Variants in HS3ST4 observed in about 807,000 individuals in gnomAD.
The protein encoded by HS3ST4 is heparan sulfate glucosamine 3-O-sulfotransferase 4.
Under a neutral mutation model 29.2 loss-of-function variants are expected in HS3ST4, and 17 were observed. That is an observed-to-expected ratio of 0.58 (90% CI 0.40 to 0.87). HS3ST4 has a LOEUF of 0.87. HS3ST4 is among the 40% of genes least tolerant of loss of function. The pLI, the probability that HS3ST4 is intolerant of heterozygous loss-of-function variation, is 0.00. For synonymous variants in HS3ST4, 314 were observed against 285.7 expected, an observed-to-expected ratio of 1.10 and a Z score of -1.00; for missense variants, 627 against 634.5, an observed-to-expected ratio of 0.99 and a Z score of 0.13.
intron 1 of HS3ST4, among the ~76,000 whole-genome samples, chr16:26,036,343 TC>T (rs1259683377): frequency 1.3e-5 from 2 of 152,208 alleles, no homozygotes; most frequent in Non-Finnish European, 2.9e-5. Flanking sequence ...TGTTGGTTTC[TC>T]CCTGCTCAAA....
intron 1 of HS3ST4, among the ~76,000 whole-genome samples, chr16:25,699,207 C>G (rs962580864): frequency 6.6e-6 from 1 of 152,144 alleles, no homozygotes; most frequent in Non-Finnish European, 1.5e-5. Context: ...ACCCTGTGTA[C>G]CCTGTGCAGT....
At chr16:25,955,169 C>T (rs893469918) in intron 1 of HS3ST4, among the ~76,000 whole-genome samples, 3 of 152,132 alleles carry the variant, frequency 2.0e-5, no homozygotes, top group African/African-American at 7.2e-5. Context: ...GTTGCTGAAC[C>T]TGTGACCAGA....
At chr16:25,802,963 G>C (rs111550858) in intron 1 of HS3ST4, among the ~76,000 whole-genome samples, 1 of 140,786 alleles carries the variant, frequency 7.1e-6, no homozygotes, top group Non-Finnish European at 1.6e-5. Context: ...GTGTGTGTGT[G>C]TATATATTTC....
intron 1 of HS3ST4, among the ~76,000 whole-genome samples, chr16:25,948,792 C>T (rs911580323): frequency 1.1e-4 from 16 of 152,212 alleles, no homozygotes; most frequent in Admixed American, 9.8e-4. Context: ...GACAAAACCA[C>T]TCTACGGAGC....
At chr16:25,819,092 C>T (rs968848306) in intron 1 of HS3ST4, among the ~76,000 whole-genome samples, 1 of 152,238 alleles carries the variant, frequency 6.6e-6, no homozygotes, top group East Asian at 1.9e-4. Context: ...ATTCCTAGCT[C>T]TTTGCTGATC....
intron 1 of HS3ST4, among the ~76,000 whole-genome samples, chr16:25,976,092 T>G (rs958207798): frequency 3.3e-5 from 5 of 152,218 alleles, no homozygotes; most frequent in African/African-American, 1.2e-4. Flanking sequence ...CCACCAAATA[T>G]TTCTGAGAGT....
intron 1 of HS3ST4, among the ~76,000 whole-genome samples, chr16:26,042,145 C>T (rs73514531): frequency 0.017 from 2,531 of 152,254 alleles, 67 homozygotes; most frequent in African/African-American, 0.056. Context: ...GCCTTATGTT[C>T]CAGCATCCTG....
chr16:25,772,364 A>G (rs1966843679), intron 1 of HS3ST4, among the ~76,000 whole-genome samples: 1 of 152,312 alleles, frequency 6.6e-6, no homozygotes, highest in Non-Finnish European at 1.5e-5. Context: ...CAGTAGAGCT[A>G]TGGTTATGTT....
intron 1 of HS3ST4, among the ~76,000 whole-genome samples, chr16:25,788,102 A>T (rs543411867): frequency 6.6e-6 from 1 of 152,240 alleles, no homozygotes; most frequent in African/African-American, 2.4e-5. Context: ...AGTGTATGTG[A>T]TTATATTCAG....
In HS3ST4 at chr16:26,024,451, G is replaced by A. The variant is rs574423421; in HGVS notation, c.735-111161G>A. 3.9e-5 allele frequency among the ~76,000 whole-genome samples: 6 copies of A among 152,190 alleles called. No individual in the cohort carries two copies. In the South Asian group the frequency reaches 1.2e-3, roughly 32 times the overall value. ...ATTTGCTTTTAAAACAAGTCTCAGG[G>A]CTGGGCGCAGTAGCTTACACCTGTA... On this transcript the variant is annotated intron_variant, in intron 1 of 1. Coordinates refer to ENST00000331351, the MANE Select transcript of HS3ST4 (RefSeq NM_006040.3).
At chr16:25,873,360 A>G in intron 1 of HS3ST4, among the ~76,000 whole-genome samples, 1 of 144,250 alleles carries the variant, frequency 6.9e-6, no homozygotes, top group Non-Finnish European at 1.5e-5. Context: ...CCATCCATCC[A>G]CCTAGCAAGC....
At chr16:25,871,898 CT>C (rs1967756764) in intron 1 of HS3ST4, among the ~76,000 whole-genome samples, 1 of 151,948 alleles carries the variant, frequency 6.6e-6, no homozygotes, top group Non-Finnish European at 1.5e-5. Context: ...ATTTTTCACT[CT>C]ACTGTATGGG....
chr16:26,116,118 C>T (rs576061138), intron 1 of HS3ST4, among the ~76,000 whole-genome samples: 29 of 152,288 alleles, frequency 1.9e-4, no homozygotes, highest in Non-Finnish European at 3.4e-4. Context: ...GATCCTCTTG[C>T]AAATGTGTGT....
chr16:25,729,955 C>T (rs1432060966), intron 1 of HS3ST4, among the ~76,000 whole-genome samples: 1 of 152,138 alleles, frequency 6.6e-6, no homozygotes, highest in Non-Finnish European at 1.5e-5. Context: ...GTTTGATTCC[C>T]TTGTCTAACC....
intron 1 of HS3ST4, among the ~76,000 whole-genome samples, chr16:25,749,057 C>T (rs1966702314): frequency 6.6e-6 from 1 of 152,036 alleles, no homozygotes; most frequent in Admixed American, 6.6e-5. Context: ...TGGTATTTCC[C>T]AAGTGTGTGT....
rs139759861 is a variant in HS3ST4, at chr16:25,780,397, ACTGT to A, written c.734+87253_734+87256del. ...ATAGCTTGACAATCTTGTGCCACTG[ACTGT>A]CTGTCTCTCTCTGCATCGGTAAAGT... On this transcript the variant is annotated intron_variant, in intron 1 of 1. Transcript: ENST00000331351. 5.9e-3 allele frequency among the ~76,000 whole-genome samples: 899 copies of A among 152,286 alleles called. 7 individuals carry two copies. The highest frequency in any genetic ancestry group is 0.02 in the African/African-American group (850 of 41,558).
At chr16:26,018,952 C>A (rs1969386226) in intron 1 of HS3ST4, among the ~76,000 whole-genome samples, 1 of 152,130 alleles carries the variant, frequency 6.6e-6, no homozygotes, top group South Asian at 2.1e-4. Context: ...GTTGGCCCAG[C>A]TCATTTGTTT....
chr16:25,819,983 C>G (rs979528896), intron 1 of HS3ST4, among the ~76,000 whole-genome samples: 1 of 118,708 alleles, frequency 8.4e-6, no homozygotes, highest in African/African-American at 3.4e-5. Context: ...TGCACTCCAG[C>G]CTGGGTGACA....
At chr16:25,841,024 A>G (rs1967407325) in intron 1 of HS3ST4, among the ~76,000 whole-genome samples, 1 of 150,526 alleles carries the variant, frequency 6.6e-6, no homozygotes, top group Non-Finnish European at 1.5e-5. Context: ...ATTTATGTTG[A>G]GACAGAGTCT....
Sources: allele counts gnomAD v4.1 joint callset (sites outside exome capture counted in the v4.1 genomes callset), GRCh38; gene constraint gnomAD v4.1.1; transcripts MANE v1.5; gene names NCBI Gene and HGNC (gene_info 2026-07-23, HGNC 2026-07-21).